CSF2RB: variants seen among roughly 807,000 people sequenced by gnomAD.
The protein encoded by CSF2RB is colony stimulating factor 2 receptor subunit beta, also known as cytokine receptor common subunit beta.
CSF2RB carries 22 observed loss-of-function variants against 67.2 expected under a neutral mutation model. That is an observed-to-expected ratio of 0.33 (90% CI 0.23 to 0.47). The LOEUF is 0.47. CSF2RB is among the 20% of genes least tolerant of loss of function. The probability of loss-of-function intolerance (pLI) is 1.00; values close to 1 mark genes in which losing one functional copy is unlikely to be tolerated. For missense variants in CSF2RB, 1,113 were observed against 1,174.5 expected, an observed-to-expected ratio of 0.95 and a Z score of 0.76; for synonymous variants, 507 against 482.9, an observed-to-expected ratio of 1.05 and a Z score of -0.65.
intron 12 of CSF2RB, among the ~76,000 whole-genome samples, chr22:36,936,234 C>T (rs563262222): frequency 6.6e-6 from 1 of 152,178 alleles, no homozygotes; most frequent in South Asian, 2.1e-4. Flanking sequence ...GCAGGCAGGG[C>T]CAGCTTTGCC....
chr22:36,930,629 T>C (rs1193163115), intron 7 of CSF2RB, 44 bp from the exon 8 acceptor site: 1 of 1,611,474 alleles, frequency 6.2e-7, no homozygotes, highest in East Asian at 2.2e-5. Flanking sequence ...CTCCCTCCCG[T>C]GTGCCCTCCC....
At position 36,919,765 on chromosome 22, in the gene CSF2RB, CTG is replaced by C. The variant is rs1940809981; in HGVS notation, c.-172-2269_-172-2268del. On this transcript the variant is annotated intron_variant, in intron 1 of 13. Coordinates refer to ENST00000403662, the MANE Select transcript of CSF2RB (RefSeq NM_000395.3). ...CTCATATCTTCAAATTCCAAGAACT[CTG>C]TTCTTTGCATAGAAGTGTCTTCTTT... Among the ~76,000 whole-genome samples the C allele has an allele frequency of 2.6e-5, 4 of 152,212 alleles. No homozygotes were observed. The South Asian group carries it at 8.3e-4, about 32-fold the overall frequency.
At chr22:36,934,367 A>G (rs1380699898) in intron 10 of CSF2RB, among the ~76,000 whole-genome samples, 2 of 152,142 alleles carry the variant, frequency 1.3e-5, no homozygotes, top group African/African-American at 2.4e-5. Context: ...TTGGACCACT[A>G]GTCGTTGGAA....
chr22:36,923,497 G>A lies in CSF2RB; in HGVS notation c.200+130G>A. ...TGGGAGTGGACAGAGGACAGAGGAG[G>A]AGGGAGGCCCTGCAAGAGCTCCTGC... On this transcript the variant is annotated intron_variant, in intron 3 of 13. Transcript: ENST00000403662. 3 of 1,392,142 alleles carry A rather than the reference G, an allele frequency of 2.2e-6. No individual in the cohort carries two copies. The South Asian group carries it at 3.9e-5, about 18-fold the overall frequency. 86.2% of individuals were successfully genotyped at this position (1,392,142 alleles called of 1,614,324 possible).
chr22:36,923,710 G>T, intron 3 of CSF2RB: 1 of 1,317,966 alleles, frequency 7.6e-7, no homozygotes. Flanking sequence ...GGTGGGCAGG[G>T]CCAGGCCACG....
rs997277797 is a variant in CSF2RB at position 36,938,682 on chromosome 22, C to A, written c.*180C>A. The A allele has an allele frequency of 1.6e-6, 1 of 626,284 alleles. No individual in the cohort carries two copies. Among genetic ancestry groups the A allele is most frequent in the African/African-American group, 1.8e-5 (1 of 54,430 alleles). 38.8% of individuals were successfully genotyped at this position (626,284 alleles called of 1,614,324 possible). ...CTTCAGCAAATCACTTCTCTCCCTGCGCTCACACAGACACACACACACACA... is the reference window on the plus strand; with the variant it reads ...CTTCAGCAAATCACTTCTCTCCCTGAGCTCACACAGACACACACACACACA... On this transcript the variant is annotated 3_prime_UTR_variant, in exon 14 of 14. Transcript: ENST00000403662.
In CSF2RB at chr22:36,938,942, C is replaced by T; in HGVS notation, c.*440C>T. 1.7e-6 allele frequency: 1 copy of T among 596,946 alleles called. No homozygotes were observed. The highest frequency in any genetic ancestry group is 3.0e-6 in the Non-Finnish European group (1 of 334,020). 37.0% of individuals were successfully genotyped at this position (596,946 alleles called of 1,614,324 possible). A position where few individuals can be genotyped will look rare whatever the true frequency, so the allele number is the denominator to read the frequency against. On this transcript the variant is annotated 3_prime_UTR_variant, in exon 14 of 14. Transcript: ENST00000403662. ...TTGTGTTGAGGACTTGTGTGGGCTG[C>T]CTGTCCCCGGCAGTCGCTGATGCAC... is the stretch of plus-strand genomic sequence containing the variant.
rs765154072 is a variant in CSF2RB at position 36,938,121 on chromosome 22, A to C, written c.2313A>C (p.Pro771=). 6.2e-7 allele frequency: 1 copy of C among 1,613,980 alleles called. No homozygotes were observed. Among genetic ancestry groups the C allele is most frequent in the Non-Finnish European group, 8.5e-7 (1 of 1,179,964 alleles). Reference sequence around the variant, plus strand: ...TTGAGGGCTATGTGGAGCTCCCTCCAATTGAGGGCCGGTCCCCCAGGTCAC... The same window carrying C: ...TTGAGGGCTATGTGGAGCTCCCTCCCATTGAGGGCCGGTCCCCCAGGTCAC... ...SGFEGYVELP[P]IEGRSPRSPR... The change falls in exon 14 of 14, where the codon CCA becomes CCC. Residue 771 remains proline, a synonymous_variant. Transcript: ENST00000403662.
chr22:36,915,585 T>G (rs1272875369), intron 1 of CSF2RB, among the ~76,000 whole-genome samples: 2 of 152,172 alleles, frequency 1.3e-5, no homozygotes, highest in Non-Finnish European at 2.9e-5. Context: ...AATCTCACGT[T>G]GATCGACACC....
intron 1 of CSF2RB, among the ~76,000 whole-genome samples, chr22:36,913,974 G>C (rs544999563): frequency 6.6e-6 from 1 of 152,020 alleles, no homozygotes; most frequent in Non-Finnish European, 1.5e-5. Flanking sequence ...TGGGAAGGAC[G>C]CCTAGTGGGG....
chr22:36,923,798 G>A (rs1034630607), intron 3 of CSF2RB: 1 of 1,290,048 alleles, frequency 7.8e-7, no homozygotes, highest in African/African-American at 1.5e-5. Context: ...TTCACAGATG[G>A]GAAAACTGAG....
chr22:36,922,289 T>A lies in CSF2RB; in HGVS notation c.76+6T>A. On this transcript the variant is annotated splice_donor_region_variant and intron_variant, in intron 2 of 13. Coordinates refer to ENST00000403662, the MANE Select transcript of CSF2RB (RefSeq NM_000395.3). ...CAGCCTGGCAGGGGCAGAAGGTGAG[T>A]CCCGTGGCTCCCACCCACTTCCCTG... 1 of 1,568,254 alleles carries A rather than the reference T, an allele frequency of 6.4e-7. No individual in the cohort carries two copies. Among genetic ancestry groups the A allele is most frequent in the Non-Finnish European group, 8.6e-7 (1 of 1,156,634 alleles).
At chr22:36,934,709 A>G (rs1387538363) in intron 10 of CSF2RB, among the ~76,000 whole-genome samples, 1 of 152,212 alleles carries the variant, frequency 6.6e-6, no homozygotes, top group African/African-American at 2.4e-5. Flanking sequence ...CCGCAGAACA[A>G]GACAAGTCCA....
chr22:36,926,669 G>A (rs910109455), intron 4 of CSF2RB, among the ~76,000 whole-genome samples: 11 of 152,220 alleles, frequency 7.2e-5, no homozygotes, highest in African/African-American at 2.7e-4. Context: ...TGCCCTGGAG[G>A]AGGGGCCCCG....
intron 1 of CSF2RB, among the ~76,000 whole-genome samples, chr22:36,919,435 CAG>C (rs751974519): frequency 2.0e-5 from 3 of 152,018 alleles, no homozygotes; most frequent in African/African-American, 7.3e-5. Flanking sequence ...TTTTTTGAGA[CAG>C]AGTCTCAGGC....
At chr22:36,928,334 G>A (rs576957006) in intron 4 of CSF2RB, among the ~76,000 whole-genome samples, 41 of 152,266 alleles carry the variant, frequency 2.7e-4, no homozygotes, top group African/African-American at 9.1e-4. Context: ...GCTTCCGAGA[G>A]GGCTCTGCCG....
In CSF2RB at chr22:36,937,324, C is replaced by G. The variant is rs761937916; in HGVS notation, c.1569-53C>G. 4.7e-5 allele frequency: 75 copies of G among 1,602,868 alleles called. No individual in the cohort carries two copies. The highest frequency in any genetic ancestry group is 6.0e-5 in the Non-Finnish European group (71 of 1,177,178). On this transcript the variant is annotated intron_variant, in intron 13 of 13. Coordinates refer to ENST00000403662, the MANE Select transcript of CSF2RB (RefSeq NM_000395.3). This position sits in a 1 kb window ranked among gnomAD's most constrained non-coding sequence, Gnocchi z 4.6. ...CCCACCAAGACCCTTGTGCCTGACCCGGATCATCTGCCCAGGGTGGTCCCA... is the reference window on the plus strand; with the variant it reads ...CCCACCAAGACCCTTGTGCCTGACCGGGATCATCTGCCCAGGGTGGTCCCA...
chr22:36,928,480 A>G (rs1471395864), intron 4 of CSF2RB, among the ~76,000 whole-genome samples: 1 of 152,124 alleles, frequency 6.6e-6, no homozygotes, highest in East Asian at 1.9e-4. Context: ...GGTTCCTGAC[A>G]TGCTCTAGCA....
In CSF2RB at chr22:36,937,789, G is replaced by C; in HGVS notation, c.1981G>C (p.Gly661Arg). 1.9e-6 allele frequency: 3 copies of C among 1,588,686 alleles called. No homozygotes were observed. The highest frequency in any genetic ancestry group is 2.6e-6 in the Non-Finnish European group (3 of 1,167,674). The change falls in exon 14 of 14, where the codon GGG (glycine) becomes CGG (arginine). Residue 661 changes from glycine (G) to arginine (R), a missense_variant. Coordinates refer to ENST00000403662, the MANE Select transcript of CSF2RB (RefSeq NM_000395.3). The surrounding 1 kb of genome is among the most constrained non-coding windows in gnomAD (Gnocchi z 4.6). ...AVEVERRPSQ[G>R]AAGSPSLESG... Reference sequence around the variant, plus strand: ...GGAAGTGGAGAGAAGGCCGAGCCAGGGGGCTGCAGGGAGTCCCTCCCTGGA... The same window carrying C: ...GGAAGTGGAGAGAAGGCCGAGCCAGCGGGCTGCAGGGAGTCCCTCCCTGGA...
Sources: allele counts gnomAD v4.1 joint callset (sites outside exome capture counted in the v4.1 genomes callset), GRCh38; gene constraint gnomAD v4.1.1; non-coding constraint Gnocchi (gnomAD v3.1); transcripts MANE v1.5; gene names NCBI Gene and HGNC (gene_info 2026-07-23, HGNC 2026-07-21).